Variants in MATN2 observed in about 807,000 individuals in gnomAD.
MATN2 encodes matrilin-2.
Under a neutral mutation model 103.2 loss-of-function variants are expected in MATN2, and 69 were observed. The ratio of observed to expected loss-of-function variants is 0.67; its 90% confidence interval spans 0.55 to 0.82. MATN2 has a LOEUF of 0.82. Ranked by LOEUF, MATN2 falls within the 40% of genes least tolerant of loss-of-function variation. The probability of loss-of-function intolerance (pLI) is 0.00; values close to 1 mark genes in which losing one functional copy is unlikely to be tolerated. For missense variants in MATN2, 1,023 were observed against 1,211.5 expected (o/e 0.84, Z 2.31); for synonymous variants, 429 against 450.2 (o/e 0.95, Z 0.60).
chr8:97,940,765 G>A (rs1810525146), intron 3 of MATN2, among the ~76,000 whole-genome samples: 1 of 152,128 alleles, frequency 6.6e-6, no homozygotes, highest in African/African-American at 2.4e-5. Context: ...GTTACATTGA[G>A]TAAAGTCATA....
chr8:97,900,816 T>C (rs1429245130), intron 2 of MATN2, among the ~76,000 whole-genome samples: 1 of 151,982 alleles, frequency 6.6e-6, no homozygotes, highest in Non-Finnish European at 1.5e-5. Context: ...GCACCTGTAG[T>C]CCCACCTACT....
chr8:97,915,162 C>G (rs1809579446), intron 2 of MATN2, among the ~76,000 whole-genome samples: 1 of 149,474 alleles, frequency 6.7e-6, no homozygotes, highest in South Asian at 2.1e-4. Flanking sequence ...TGTGAAAAAA[C>G]TTTTTTTTTT....
chr8:97,993,071 T>A (rs922403467), intron 6 of MATN2, among the ~76,000 whole-genome samples: 1 of 152,128 alleles, frequency 6.6e-6, no homozygotes. Flanking sequence ...TGAAGCTGGG[T>A]GATATGTACA....
In MATN2 at chr8:97,956,978, C is replaced by T. The variant is rs767373919; in HGVS notation, c.836-4430C>T. Among the ~76,000 whole-genome samples the T allele has an allele frequency of 2.2e-4, 34 of 152,218 alleles. 1 individual carries two copies. The highest frequency in any genetic ancestry group is 3.7e-4 in the Non-Finnish European group (25 of 68,046). On this transcript the variant is annotated intron_variant, in intron 4 of 18. Transcript: ENST00000254898. ...GAGACCAAATACATGTGCTAGGACACTGTGCTAGACTCTGGAGAGTCAAAA... is the reference window on the plus strand; with the variant it reads ...GAGACCAAATACATGTGCTAGGACATTGTGCTAGACTCTGGAGAGTCAAAA...
chr8:97,972,324 A>G (rs1360597982), intron 5 of MATN2, among the ~76,000 whole-genome samples: 2 of 141,116 alleles, frequency 1.4e-5, no homozygotes, highest in African/African-American at 5.3e-5. Context: ...GGGCGACAGA[A>G]TGAGACCCTG....
intron 17 of MATN2, 105 bp from the exon 18 acceptor site, chr8:98,033,456 T>C (rs973346539): frequency 1.5e-6 from 1 of 683,412 alleles, no homozygotes; most frequent in Non-Finnish European, 2.5e-6. Flanking sequence ...AAGTGGAACA[T>C]GTCTTTCATT....
intron 7 of MATN2, among the ~76,000 whole-genome samples, chr8:97,995,897 A>G (rs1812568145): frequency 6.6e-6 from 1 of 152,230 alleles, no homozygotes; most frequent in African/African-American, 2.4e-5. Context: ...GAGCATTCAG[A>G]ATGTGAAAAC....
intron 5 of MATN2, among the ~76,000 whole-genome samples, chr8:97,976,571 T>A (rs1811842934): frequency 6.6e-6 from 1 of 152,164 alleles, no homozygotes; most frequent in Admixed American, 6.5e-5. Flanking sequence ...TACATATGTA[T>A]TACTTTTGTA....
chr8:97,946,758 TC>T (rs1034379691), intron 4 of MATN2, among the ~76,000 whole-genome samples: 7 of 152,352 alleles, frequency 4.6e-5, no homozygotes, highest in African/African-American at 1.2e-4. Flanking sequence ...AAATTTTTTT[TC>T]TTCTCTCAAG....
chr8:97,920,941 A>C (rs1007058013), intron 2 of MATN2, among the ~76,000 whole-genome samples: 1 of 152,184 alleles, frequency 6.6e-6, no homozygotes, highest in Admixed American at 6.5e-5. Context: ...GGCTGGGGAC[A>C]TGGGGGTGAC....
At position 97,912,872 on chromosome 8, in the gene MATN2, C is replaced by T. The variant is rs539871908; in HGVS notation, c.143-18081C>T. On this transcript the variant is annotated intron_variant, in intron 2 of 18. Transcript: ENST00000254898. ...GCTGAGGCTGACGGAGCCACCAGGG[C>T]CAGTGCAGGAAACAGAGCTCTCTAG... 2.0e-5 allele frequency among the ~76,000 whole-genome samples: 3 copies of T among 152,192 alleles called. No homozygotes were observed. The East Asian group carries it at 5.8e-4, about 29-fold the overall frequency.
chr8:97,927,124 T>C (rs139816013), intron 2 of MATN2, among the ~76,000 whole-genome samples: 21 of 117,574 alleles, frequency 1.8e-4, no homozygotes, highest in African/African-American at 5.9e-4. Flanking sequence ...TTGTTCTGTT[T>C]TGTTTTGTTT....
intron 12 of MATN2, among the ~76,000 whole-genome samples, chr8:98,020,287 A>C (rs1813541052): frequency 6.6e-6 from 1 of 152,132 alleles, no homozygotes; most frequent in South Asian, 2.1e-4. Context: ...CTGGGACTAC[A>C]AGCGTGCACC....
At chr8:97,939,857 C>G (rs1810496221) in intron 3 of MATN2, among the ~76,000 whole-genome samples, 1 of 152,108 alleles carries the variant, frequency 6.6e-6, no homozygotes, top group East Asian at 1.9e-4. Context: ...AACTGGGGTG[C>G]ATTTTAGATT....
intron 2 of MATN2, among the ~76,000 whole-genome samples, chr8:97,901,127 G>A (rs1242568424): frequency 3.9e-5 from 6 of 152,128 alleles, no homozygotes; most frequent in Admixed American, 2.6e-4. Flanking sequence ...ACCACTGACC[G>A]AAGCAGGCCT....
At chr8:98,000,698 G>A (rs534382224) in intron 7 of MATN2, among the ~76,000 whole-genome samples, 1 of 152,232 alleles carries the variant, frequency 6.6e-6, no homozygotes, top group South Asian at 2.1e-4. Flanking sequence ...GCATTCAGCA[G>A]GTATTTAAGA....
Position 97,897,762 on chromosome 8 carries a change from T to TA in MATN2, c.142+9521dup, listed in dbSNP as rs140476580. On this transcript the variant is annotated intron_variant, in intron 2 of 18. Transcript: ENST00000254898. ...CCCTCAGCACAGACCTGCTGTTCCC[T>TA]ATCAAATTCATCCTCTGTGCCTATG... is the stretch of plus-strand genomic sequence containing the variant. Among the ~76,000 whole-genome samples, 207 of 152,336 alleles carry TA rather than the reference T, an allele frequency of 1.4e-3. 2 individuals are homozygous for TA. The East Asian group carries it at 0.032, about 23-fold the overall frequency.
chr8:97,947,634 T>C (rs1177941458), intron 4 of MATN2, among the ~76,000 whole-genome samples: 4 of 152,204 alleles, frequency 2.6e-5, no homozygotes, highest in Admixed American at 2.6e-4. Flanking sequence ...AATGGAGAGA[T>C]ATACCCTATC....
rs932764365 is a variant in MATN2, at chr8:98,027,845, G to C, written c.2356+16G>C. 4 of 1,540,020 alleles carry C rather than the reference G, an allele frequency of 2.6e-6. No homozygotes were observed. The South Asian group carries it at 5.1e-5, about 20-fold the overall frequency. Reference sequence around the variant, plus strand: ...AAGGCCAATGGTAATATGGGGTGGAGGTGCGGTTTACACCACTCAAGGTTC... The same window carrying C: ...AAGGCCAATGGTAATATGGGGTGGACGTGCGGTTTACACCACTCAAGGTTC... On this transcript the variant is annotated intron_variant, in intron 14 of 18. Coordinates refer to ENST00000254898, the MANE Select transcript of MATN2 (RefSeq NM_002380.5).
Sources: gnomAD v4.1 joint callset for allele counts (sites outside exome capture counted in the v4.1 genomes callset) on GRCh38, gnomAD v4.1.1 for gene constraint, MANE v1.5 for transcripts, NCBI Gene and HGNC (gene_info 2026-07-23, HGNC 2026-07-21) for gene names.